Variants in KCND2 observed in about 807,000 individuals in gnomAD.
KCND2 encodes the protein A-type voltage-gated potassium channel KCND2.
A neutral mutation model predicts 54.4 loss-of-function variants in KCND2; 16 were observed. The observed-to-expected ratio is 0.29, with a 90% CI of 0.20 to 0.45. KCND2 has a LOEUF of 0.45. KCND2 is among the 20% of genes least tolerant of loss of function. The pLI, the probability that KCND2 is intolerant of heterozygous loss-of-function variation, is 1.00. For missense variants in KCND2, 486 were observed against 824.2 expected, an observed-to-expected ratio of 0.59 and a Z score of 5.02; for synonymous variants, 317 against 310.7, an observed-to-expected ratio of 1.02 and a Z score of -0.21.
At chr7:120,528,886 A>G (rs904127273) in intron 1 of KCND2, among the ~76,000 whole-genome samples, 1 of 152,240 alleles carries the variant, frequency 6.6e-6, no homozygotes, top group Non-Finnish European at 1.5e-5. Context: ...CTCCAAATTG[A>G]CAATCATGTT....
chr7:120,619,787 GC>G (rs1312477650), intron 1 of KCND2, among the ~76,000 whole-genome samples: 2 of 152,162 alleles, frequency 1.3e-5, no homozygotes, highest in Non-Finnish European at 2.9e-5. Context: ...AAGCGCATTA[GC>G]CCAACAGCAA....
intron 1 of KCND2, among the ~76,000 whole-genome samples, chr7:120,450,411 A>G (rs948215768): frequency 1.3e-5 from 2 of 152,170 alleles, no homozygotes; most frequent in Non-Finnish European, 2.9e-5. Flanking sequence ...CCGTCTAAAA[A>G]AAGAAAAAAA....
At chr7:120,497,703 C>T (rs1478831855) in intron 1 of KCND2, among the ~76,000 whole-genome samples, 1 of 152,188 alleles carries the variant, frequency 6.6e-6, no homozygotes, top group Non-Finnish European at 1.5e-5. Context: ...ACAATTTAAA[C>T]AGTTACAGAG....
rs533226369 is a variant in KCND2 at position 120,721,087 on chromosome 7, G to C, written c.1116-11816G>C. 2.4e-4 allele frequency among the ~76,000 whole-genome samples: 36 copies of C among 152,294 alleles called. 1 individual carries two copies. Among genetic ancestry groups the C allele is most frequent in the Admixed American group, 1.2e-3 (18 of 15,288 alleles). On this transcript the variant is annotated intron_variant, in intron 1 of 5. Transcript: ENST00000331113. ...CCTCTTTCTCCTTAAAATGAAACCT[G>C]ATGGAAATAATTTTTATGGAAGTTT...
chr7:120,296,903 G>A (rs561882296), intron 1 of KCND2, among the ~76,000 whole-genome samples: 5 of 149,512 alleles, frequency 3.3e-5, no homozygotes, highest in Non-Finnish European at 7.5e-5. Flanking sequence ...TTTAAGCAAT[G>A]TTTTTTTAAG....
intron 1 of KCND2, among the ~76,000 whole-genome samples, chr7:120,523,310 TGCAC>T (rs1791722835): frequency 6.6e-6 from 1 of 152,072 alleles, no homozygotes; most frequent in South Asian, 2.1e-4. Flanking sequence ...AACAAAATTC[TGCAC>T]GTGTTTTTAA....
At chr7:120,413,459 T>G (rs1186674311) in intron 1 of KCND2, among the ~76,000 whole-genome samples, 1 of 152,038 alleles carries the variant, frequency 6.6e-6, no homozygotes, top group Non-Finnish European at 1.5e-5. Flanking sequence ...ATTTTTCTAA[T>G]TTTTGATATA....
At chr7:120,356,797 C>T (rs900122263) in intron 1 of KCND2, among the ~76,000 whole-genome samples, 4 of 152,048 alleles carry the variant, frequency 2.6e-5, no homozygotes, top group African/African-American at 9.7e-5. Context: ...CTCTCTATAT[C>T]GTTATTATTT....
intron 1 of KCND2, among the ~76,000 whole-genome samples, chr7:120,376,742 C>G (rs2116014471): frequency 6.6e-6 from 1 of 151,838 alleles, no homozygotes; most frequent in East Asian, 1.9e-4. Flanking sequence ...AAACTTTAAG[C>G]TCAATCCATT....
chr7:120,276,098 A>G (rs928243014), intron 1 of KCND2, among the ~76,000 whole-genome samples: 3 of 152,238 alleles, frequency 2.0e-5, no homozygotes, highest in East Asian at 1.9e-4. Context: ...AATATATACA[A>G]TGTATATTGA....
At chr7:120,516,515 A>G (rs1803199190) in intron 1 of KCND2, among the ~76,000 whole-genome samples, 1 of 152,120 alleles carries the variant, frequency 6.6e-6, no homozygotes, top group African/African-American at 2.4e-5. Flanking sequence ...ATCCGAATGA[A>G]CTGAAGAAAG....
chr7:120,410,513 A>G, intron 1 of KCND2, among the ~76,000 whole-genome samples: 1 of 151,862 alleles, frequency 6.6e-6, no homozygotes, highest in East Asian at 1.9e-4. Context: ...ATCCACGAAT[A>G]TGGTATATCT....
chr7:120,393,034 C>T (rs1326383603), intron 1 of KCND2, among the ~76,000 whole-genome samples: 1 of 151,946 alleles, frequency 6.6e-6, no homozygotes, highest in Non-Finnish European at 1.5e-5. Context: ...GGATGTTTGA[C>T]ACAATGTGAA....
intron 1 of KCND2, among the ~76,000 whole-genome samples, chr7:120,593,418 A>T (rs1472273861): frequency 6.6e-6 from 1 of 152,180 alleles, no homozygotes; most frequent in Non-Finnish European, 1.5e-5. Context: ...TTGTCCCTGC[A>T]TATATTGGAA....
rs987610433 is a variant in KCND2 at position 120,564,538 on chromosome 7, A to G, written c.1116-168365A>G. Among the ~76,000 whole-genome samples the G allele has an allele frequency of 2.0e-5, 3 of 152,202 alleles. No individual in the cohort carries two copies. In the East Asian group the frequency reaches 5.8e-4, roughly 29 times the overall value. On this transcript the variant is annotated intron_variant, in intron 1 of 5. Coordinates refer to ENST00000331113, the MANE Select transcript of KCND2 (RefSeq NM_012281.3). ...AATATACAGAGTATAATAGAATAAG[A>G]CAACCTTAAAAATTAACCTAACTCT...
At chr7:120,741,678 T>A (rs762221695) in intron 3 of KCND2, 49 bp downstream of exon 3, 1 of 1,282,514 alleles carries the variant, frequency 7.8e-7, no homozygotes, top group South Asian at 1.2e-5. Flanking sequence ...CTTGGTTTAA[T>A]ATTGATTTAG....
rs1305272390 is a variant in KCND2 at position 120,274,941 on chromosome 7, G to A, written c.309G>A (p.Lys103=). Residue 103 remains lysine (K), a synonymous_variant, in exon 1 of 6, where the codon AAG becomes AAA. Transcript: ENST00000331113. ...TCCTGAATTTCTACCGCACTGGGAA[G>A]CTCCACTATCCTCGCCACGAGTGCA... ...RHILNFYRTG[K]LHYPRHECIS... 2 of 1,614,094 alleles carry A rather than the reference G, an allele frequency of 1.2e-6. No individual in the cohort carries two copies. The highest frequency in any genetic ancestry group is 2.2e-5 in the South Asian group (2 of 91,072).
At chr7:120,294,303 A>G (rs1584716521) in intron 1 of KCND2, among the ~76,000 whole-genome samples, 1 of 151,938 alleles carries the variant, frequency 6.6e-6, no homozygotes, top group Non-Finnish European at 1.5e-5. Flanking sequence ...TTGAGTTTAT[A>G]TTGAATACAA....
chr7:120,375,954 G>A (rs1800830352), intron 1 of KCND2, among the ~76,000 whole-genome samples: 1 of 151,702 alleles, frequency 6.6e-6, no homozygotes, highest in African/African-American at 2.4e-5. Context: ...TGAAATCTGA[G>A]TTGTATATTG....
Sources: gnomAD v4.1 joint callset for allele counts (sites outside exome capture counted in the v4.1 genomes callset) on GRCh38, gnomAD v4.1.1 for gene constraint, MANE v1.5 for transcripts, NCBI Gene and HGNC (gene_info 2026-07-23, HGNC 2026-07-21) for gene names.